The following HDAC9 variants were observed in gnomAD, a reference collection of about 807,000 sequenced individuals.
The protein encoded by HDAC9 is MEF-2 interacting transcription repressor (MITR) protein.
A neutral mutation model predicts 139.4 loss-of-function variants in HDAC9; 41 were observed. The ratio of observed to expected loss-of-function variants is 0.29; its 90% CI spans 0.23 to 0.38. HDAC9 has a LOEUF of 0.38. Among genes scored for constraint, HDAC9 ranks in the 10% least tolerant of loss-of-function variants. The pLI is 1.00. For missense variants in HDAC9, 1,147 were observed against 1,297.0 expected, an observed-to-expected ratio of 0.88 and a Z score of 1.78; for synonymous variants, 517 against 476.2, an observed-to-expected ratio of 1.09 and a Z score of -1.12.
intron 21 of HDAC9, among the ~76,000 whole-genome samples, chr7:18,853,579 C>T (rs910019685): frequency 2.0e-5 from 3 of 152,130 alleles, no homozygotes; most frequent in Admixed American, 6.6e-5. Context: ...AGACTTCTTA[C>T]TGTGTTAATG....
intron 1 of HDAC9, among the ~76,000 whole-genome samples, chr7:18,155,940 G>A (rs923645962): frequency 6.6e-5 from 10 of 152,146 alleles, no homozygotes; most frequent in Non-Finnish European, 1.5e-5. Flanking sequence ...TGCTGATGTG[G>A]CTCTTGCTTG....
chr7:18,371,337 A>C (rs1176259571), intron 1 of HDAC9, among the ~76,000 whole-genome samples: 1 of 152,158 alleles, frequency 6.6e-6, no homozygotes, highest in African/African-American at 2.4e-5. Flanking sequence ...TTAACTGTTA[A>C]AATTAATGTT....
intron 2 of HDAC9, among the ~76,000 whole-genome samples, chr7:18,563,374 T>G (rs868751063): frequency 2.2e-4 from 33 of 152,290 alleles, no homozygotes; most frequent in Middle Eastern, 6.8e-3. Flanking sequence ...ATAAAATATA[T>G]AAGCCTCCTC....
At chr7:18,496,412 G>A in intron 2 of HDAC9, 88 bp downstream of exon 2, 3 of 1,158,250 alleles carry the variant, frequency 2.6e-6, no homozygotes, top group South Asian at 2.6e-5. Context: ...CTCTCTTAAG[G>A]AAATTGCTGC....
At chr7:18,499,572 C>G (rs982885298) in intron 2 of HDAC9, among the ~76,000 whole-genome samples, 2 of 152,050 alleles carry the variant, frequency 1.3e-5, no homozygotes, top group Non-Finnish European at 2.9e-5. Flanking sequence ...AATATTGACT[C>G]AGGTCACTCT....
chr7:18,516,537 C>G (rs12055954), intron 2 of HDAC9, among the ~76,000 whole-genome samples: 1 of 152,098 alleles, frequency 6.6e-6, no homozygotes, highest in African/African-American at 2.4e-5. Flanking sequence ...AGAGGATGTT[C>G]TGATGTGTGT....
At chr7:18,212,147 G>A (rs974096559) in intron 2 of HDAC9, among the ~76,000 whole-genome samples, 1 of 152,124 alleles carries the variant, frequency 6.6e-6, no homozygotes, top group African/African-American at 2.4e-5. Context: ...CCAATTTGAT[G>A]ATTAGGATGA....
At chr7:18,989,414 A>G (rs1378945997) in intron 25 of HDAC9, among the ~76,000 whole-genome samples, 4 of 152,084 alleles carry the variant, frequency 2.6e-5, no homozygotes, top group Admixed American at 2.0e-4. Context: ...AGTTTCTGCC[A>G]AGAGATCCGC....
intron 12 of HDAC9, among the ~76,000 whole-genome samples, chr7:18,705,344 T>C (rs917327089): frequency 1.3e-5 from 2 of 152,108 alleles, no homozygotes; most frequent in African/African-American, 2.4e-5. Flanking sequence ...CTCACACCCA[T>C]TGAGATAATG....
intron 6 of HDAC9, among the ~76,000 whole-genome samples, chr7:18,604,934 T>C (rs1835041992): frequency 1.3e-5 from 2 of 152,200 alleles, no homozygotes; most frequent in African/African-American, 4.8e-5. Flanking sequence ...CTTCTGATTG[T>C]TTTTCTTGCC....
chr7:18,555,614 A>T (rs532407704), intron 2 of HDAC9, among the ~76,000 whole-genome samples: 33 of 152,268 alleles, frequency 2.2e-4, no homozygotes, highest in African/African-American at 7.0e-4. Context: ...TATGAAAAAG[A>T]TCCAAGAGGA....
chr7:18,155,686 G>C (rs1249145403), intron 1 of HDAC9, among the ~76,000 whole-genome samples: 1 of 152,142 alleles, frequency 6.6e-6, no homozygotes, highest in Non-Finnish European at 1.5e-5. Context: ...TAAGCACAGA[G>C]ACTGTGTGTT....
At chr7:18,221,052 C>T (rs1007541583) in intron 2 of HDAC9, among the ~76,000 whole-genome samples, 1 of 151,348 alleles carries the variant, frequency 6.6e-6, no homozygotes, top group Non-Finnish European at 1.5e-5. Context: ...TTTGAAAAAT[C>T]GTATAATTAT....
At chr7:18,785,072 G>A (rs548766488) in intron 16 of HDAC9, among the ~76,000 whole-genome samples, 1 of 151,630 alleles carries the variant, frequency 6.6e-6, no homozygotes, top group African/African-American at 2.4e-5. Context: ...ATTTCTTTTT[G>A]AAATCATCAG....
chr7:18,494,848 C>A (rs1189803234), upstream of HDAC9, among the ~76,000 whole-genome samples: 1 of 152,006 alleles, frequency 6.6e-6, no homozygotes, highest in Non-Finnish European at 1.5e-5. Flanking sequence ...ATTCTGTATC[C>A]ATAAGAAATC....
At chr7:18,367,221 G>A (rs1409086633) in intron 1 of HDAC9, among the ~76,000 whole-genome samples, 1 of 151,946 alleles carries the variant, frequency 6.6e-6, no homozygotes, top group African/African-American at 2.4e-5. Flanking sequence ...GCATTCTAAG[G>A]GGTTGCAAAC....
In HDAC9 at chr7:19,000,710, C is replaced by T. The variant is rs1373652283; in HGVS notation, c.*4648C>T. The T allele has an allele frequency of 6.6e-6, 1 of 152,150 alleles. No homozygotes were observed. The highest frequency in any genetic ancestry group is 1.5e-5 in the Non-Finnish European group (1 of 68,020). The allele number at this position is 152,150 out of a possible 1,614,324, so 9.4% of individuals were successfully genotyped here. A position where few individuals can be genotyped will look rare whatever the true frequency, so the allele number is the denominator to read the frequency against. On this transcript the variant is annotated 3_prime_UTR_variant, in exon 26 of 26. Coordinates refer to ENST00000686413, the MANE Select transcript of HDAC9 (RefSeq NM_178425.4). ...TGCAATTTCTCAAAGCATCTTAATT[C>T]TCAAACTGAAACATTTAGCAAATAC...
chr7:18,220,717 G>A (rs1371080310), intron 2 of HDAC9, among the ~76,000 whole-genome samples: 1 of 152,138 alleles, frequency 6.6e-6, no homozygotes, highest in Non-Finnish European at 1.5e-5. Context: ...CAAAAGAGAT[G>A]AAGCAAACTG....
At chr7:18,709,270 C>A (rs1254578553) in intron 12 of HDAC9, among the ~76,000 whole-genome samples, 1 of 152,076 alleles carries the variant, frequency 6.6e-6, no homozygotes, top group Non-Finnish European at 1.5e-5. Flanking sequence ...TTGTTCAAAT[C>A]CCACTTATGA....
Sources: allele counts gnomAD v4.1 joint callset (sites outside exome capture counted in the v4.1 genomes callset), GRCh38; gene constraint gnomAD v4.1.1; transcripts MANE v1.5; gene names NCBI Gene and HGNC (gene_info 2026-07-23, HGNC 2026-07-21).